Variants in DMD observed in about 807,000 individuals in gnomAD.
DMD encodes the protein mutant dystrophin.
A neutral mutation model predicts 330.1 loss-of-function variants in DMD; 63 were observed. The observed-to-expected ratio is 0.19, with a 90% CI of 0.16 to 0.24. The LOEUF is 0.24. Ranked by LOEUF, DMD falls within the 10% of genes least tolerant of loss-of-function variation. The pLI, the probability that DMD is intolerant of heterozygous loss-of-function variation, is 1.00. For missense variants in DMD, 3,344 were observed against 2,684.1 expected (o/e 1.25, Z -5.43); for synonymous variants, 1,223 against 959.8 (o/e 1.27, Z -5.07).
At chrX:32,535,142 G>A (rs2047834718) in intron 17 of DMD, among the ~76,000 whole-genome samples, 1 of 111,373 alleles carries the variant, frequency 9.0e-6, no homozygotes, top group Non-Finnish European at 1.9e-5. Flanking sequence ...AACAGGGAAG[G>A]CCATATACAT....
intron 45 of DMD, among the ~76,000 whole-genome samples, chrX:31,937,500 C>A (rs2094938558): frequency 9.0e-6 from 1 of 111,439 alleles, no homozygotes. Context: ...CATTTCTTAT[C>A]TAGATTTTTT....
chrX:33,305,332 C>T (rs1428924988), intron 1 of DMD, among the ~76,000 whole-genome samples: 2 of 104,009 alleles, frequency 1.9e-5, no homozygotes, highest in African/African-American at 7.1e-5. Context: ...AAACCAAACA[C>T]CGCATGTTCT....
At chrX:31,831,894 G>A (rs186343281) in intron 49 of DMD, among the ~76,000 whole-genome samples, 161 of 112,603 alleles carry the variant, frequency 1.4e-3, no homozygotes, top group East Asian at 5.9e-3. Context: ...GAGCCACCGC[G>A]CCCAGTCGCA....
intron 1 of DMD, among the ~76,000 whole-genome samples, chrX:33,039,258 G>GTCAGTTCGAACTCCCTGGTGAC (rs1177813999): frequency 9.0e-6 from 1 of 111,187 alleles, no homozygotes; most frequent in Non-Finnish European, 1.9e-5. Flanking sequence ...AAAAGTAGAA[G>GTCAGTTCGAACTCCCTGGTGAC]TCAGTTCGAA....
chrX:32,676,996 A>C (rs1283042143), intron 9 of DMD, among the ~76,000 whole-genome samples: 2 of 111,768 alleles, frequency 1.8e-5, no homozygotes, highest in Non-Finnish European at 3.8e-5. Flanking sequence ...ATTGACATTT[A>C]AAAATATATG....
chrX:31,298,856 A>T (rs59206574), intron 62 of DMD, among the ~76,000 whole-genome samples: 163 of 112,056 alleles, frequency 1.5e-3, no homozygotes, highest in African/African-American at 5.1e-3. Flanking sequence ...TGCAATTTTT[A>T]AAAAAAATTC....
intron 55 of DMD, among the ~76,000 whole-genome samples, chrX:31,599,898 T>G (rs1316665854): frequency 8.9e-6 from 1 of 111,945 alleles, no homozygotes; most frequent in Non-Finnish European, 1.9e-5. Context: ...GGTCATTTTT[T>G]TCTGCACTAG....
rs1440797854 is a variant in DMD, at chrX:32,468,435, G to C, written c.3162+63C>G. 5.1e-6 allele frequency: 5 copies of C among 973,716 alleles called. No homozygotes were observed. In the Admixed American group the frequency reaches 1.0e-4, roughly 20 times the overall value. 80.2% of individuals were successfully genotyped at this position (973,716 alleles called of 1,213,427 possible). A position where few individuals can be genotyped will look rare whatever the true frequency, so the allele number is the denominator to read the frequency against. On this transcript the variant is annotated intron_variant, in intron 23 of 78. Coordinates refer to ENST00000357033, the MANE Select transcript of DMD (RefSeq NM_004006.3). ...TGCTTATGTACCTTTACAGTTTACA[G>C]TGTATCGTTAGGGAAAAAACAAGTA...
intron 56 of DMD, among the ~76,000 whole-genome samples, chrX:31,501,999 G>A (rs1022704446): frequency 1.8e-5 from 2 of 111,314 alleles, no homozygotes; most frequent in East Asian, 2.8e-4. Flanking sequence ...TTTGACAAAG[G>A]TGCCAAGAAC....
intron 36 of DMD, 65 bp from the exon 37 acceptor site, chrX:32,363,023 G>A: frequency 9.3e-7 from 1 of 1,073,272 alleles, no homozygotes; most frequent in Non-Finnish European, 1.3e-6. Context: ...GATAGAAAAA[G>A]AGAGCCAAAC....
At position 31,679,439 on chromosome X, in the gene DMD, A is replaced by G; in HGVS notation, c.7808T>C (p.Leu2603Pro). ...EQVLGQARAK[L>P]ESWKEGPYTV... ...ATAGGGACCCTCCTTCCATGACTCA[A>G]GCTTGGCTCTGGCCTGTCCTAAGAC... Residue 2603 changes from leucine to proline, a missense_variant, in exon 53 of 79, where the codon CTT becomes CCT. Physicochemically the swap from Leu to Pro is moderately conservative, Grantham distance 98. Coordinates refer to ENST00000357033, the MANE Select transcript of DMD (RefSeq NM_004006.3). 1 of 1,211,591 alleles carries G rather than the reference A, an allele frequency of 8.3e-7. No homozygotes were observed. The highest frequency in any genetic ancestry group is 1.1e-6 in the Non-Finnish European group (1 of 895,418).
At position 32,309,837 on chromosome X, in the gene DMD, T is replaced by A. The variant is rs757471676; in HGVS notation, c.6117+245A>T. Among the ~76,000 whole-genome samples, 4 of 111,411 alleles carry A rather than the reference T, an allele frequency of 3.6e-5. No homozygotes were observed. The South Asian group carries it at 1.5e-3, about 41-fold the overall frequency. ...CTGTCCCTACTGCATGTAAAAATGA[T>A]CATTTTTGTGCATTTCTTCATTTTA... On this transcript the variant is annotated intron_variant, in intron 42 of 78. Transcript: ENST00000357033.
chrX:32,863,476 C>T (rs1315643973), intron 2 of DMD, among the ~76,000 whole-genome samples: 1 of 97,274 alleles, frequency 1.0e-5, no homozygotes, highest in African/African-American at 4.4e-5. Context: ...CACCACTGCA[C>T]TCCAGCCTGG....
At chrX:32,640,229 T>A (rs1033584489) in intron 11 of DMD, among the ~76,000 whole-genome samples, 1 of 108,691 alleles carries the variant, frequency 9.2e-6, no homozygotes, top group Admixed American at 1.0e-4. Flanking sequence ...TTCTTCACAT[T>A]TTATAATAAT....
At chrX:32,028,770 C>T (rs1262262365) in intron 44 of DMD, among the ~76,000 whole-genome samples, 2 of 111,130 alleles carry the variant, frequency 1.8e-5, no homozygotes, top group South Asian at 3.7e-4. Flanking sequence ...TAATGAGATC[C>T]CAATGCGGCA....
At chrX:31,938,707 A>C (rs1187499287) in intron 45 of DMD, among the ~76,000 whole-genome samples, 1 of 111,809 alleles carries the variant, frequency 8.9e-6, no homozygotes, top group Non-Finnish European at 1.9e-5. Flanking sequence ...CCACAAGCAC[A>C]CATTTACATA....
chrX:31,575,221 G>A (rs893302277), intron 55 of DMD, among the ~76,000 whole-genome samples: 1 of 111,709 alleles, frequency 9.0e-6, no homozygotes, highest in African/African-American at 3.3e-5. Flanking sequence ...AACAAAACTA[G>A]TTATGGAAAT....
At chrX:31,456,154 C>T (rs899693642) in intron 59 of DMD, among the ~76,000 whole-genome samples, 1 of 111,791 alleles carries the variant, frequency 8.9e-6, no homozygotes, top group Non-Finnish European at 1.9e-5. Flanking sequence ...ACTAAGAAGT[C>T]ATCAAATATT....
chrX:32,987,452 T>G (rs932351724), intron 2 of DMD, among the ~76,000 whole-genome samples: 1 of 111,429 alleles, frequency 9.0e-6, no homozygotes, highest in Non-Finnish European at 1.9e-5. Flanking sequence ...ATACCAAGTA[T>G]AGCAGCCAGA....
Sources: gnomAD v4.1 joint callset for allele counts (sites outside exome capture counted in the v4.1 genomes callset) on GRCh38, gnomAD v4.1.1 for gene constraint, MANE v1.5 for transcripts, NCBI Gene and HGNC (gene_info 2026-07-23, HGNC 2026-07-21) for gene names.